Variants in CDC42BPB observed in about 807,000 individuals in gnomAD.
The protein encoded by CDC42BPB is CDC42 binding protein kinase beta.
CDC42BPB carries 37 observed loss-of-function variants against 214.9 expected under a neutral mutation model. The ratio of observed to expected loss-of-function variants is 0.17; its 90% CI spans 0.13 to 0.23. The LOEUF is 0.23. CDC42BPB is among the 10% of genes least tolerant of loss of function. The pLI is 1.00. For synonymous variants in CDC42BPB, 931 were observed against 884.0 expected (o/e 1.05, Z -0.94); for missense variants, 1,694 against 2,227.0 (o/e 0.76, Z 4.82).
At position 102,952,405 on chromosome 14, in the gene CDC42BPB, T is replaced by C. The variant is rs955866726; in HGVS notation, c.3172+93A>G. ...GACATTTCACTTTAGTTTGGTTTGC[T>C]TGCATCAGGGCTGCCCTGGAGCCGG... is the stretch of plus-strand genomic sequence containing the variant. On this transcript the variant is annotated intron_variant, in intron 24 of 36. Coordinates refer to ENST00000361246, the MANE Select transcript of CDC42BPB (RefSeq NM_006035.4). The C allele has an allele frequency of 2.2e-5, 16 of 740,410 alleles. No individual in the cohort carries two copies. The African/African-American group carries it at 2.5e-4, about 11-fold the overall frequency. 45.9% of individuals were successfully genotyped at this position (740,410 alleles called of 1,614,324 possible).
chr14:102,947,108 C>A (rs1336455884), intron 27 of CDC42BPB, among the ~76,000 whole-genome samples: 1 of 152,226 alleles, frequency 6.6e-6, no homozygotes, highest in Non-Finnish European at 1.5e-5. Flanking sequence ...GTTCCAGTAA[C>A]AATGATGGTA....
At chr14:102,966,241 A>G in intron 18 of CDC42BPB, 41 bp downstream of exon 18, 1 of 1,400,358 alleles carries the variant, frequency 7.1e-7, no homozygotes. Context: ...CCATTAGCGA[A>G]TTATTCAGTA....
chr14:102,959,970 GC>G (rs1166435263), intron 20 of CDC42BPB: 1 of 356,374 alleles, frequency 2.8e-6, no homozygotes, highest in African/African-American at 2.3e-5. Context: ...ACTTTGGGAG[GC>G]CGAGGTGGGC....
At chr14:102,999,237 C>A (rs34337051) in intron 5 of CDC42BPB, among the ~76,000 whole-genome samples, 56 of 128,900 alleles carry the variant, frequency 4.3e-4, no homozygotes, top group Non-Finnish European at 5.9e-4. Context: ...CAGAGGACCC[C>A]GGGGCCCACG....
intron 27 of CDC42BPB, among the ~76,000 whole-genome samples, chr14:102,947,408 C>T (rs1357002061): frequency 2.6e-5 from 4 of 152,206 alleles, no homozygotes; most frequent in East Asian, 1.9e-4. Context: ...CCACAGCGCC[C>T]GCCTGGCAGT....
intron 12 of CDC42BPB, among the ~76,000 whole-genome samples, 191 bp downstream of exon 12, chr14:102,973,825 G>A (rs1016051086): frequency 1.6e-4 from 25 of 152,210 alleles, no homozygotes; most frequent in Admixed American, 3.9e-4. Context: ...TCTGCCAGCC[G>A]ACGCGGGGGC....
chr14:103,019,542 C>T (rs1347565093), intron 1 of CDC42BPB, among the ~76,000 whole-genome samples: 1 of 152,340 alleles, frequency 6.6e-6, no homozygotes, highest in East Asian at 1.9e-4. Context: ...TGACAGGACT[C>T]CTTCAGCACA....
intron 21 of CDC42BPB, among the ~76,000 whole-genome samples, chr14:102,956,985 C>A (rs1437799713): frequency 1.4e-5 from 2 of 142,126 alleles, no homozygotes; most frequent in Non-Finnish European, 3.0e-5. Context: ...TCAAGACCAT[C>A]CTGGGCGACA....
In CDC42BPB at chr14:102,944,250, C is replaced by T; in HGVS notation, c.4049G>A (p.Arg1350Gln). The T allele has an allele frequency of 2.5e-6, 4 of 1,613,264 alleles. No individual in the cohort carries two copies. The highest frequency in any genetic ancestry group is 3.4e-6 in the Non-Finnish European group (4 of 1,180,036). The change falls in exon 30 of 37, where the codon CGG (arginine) becomes CAG (glutamine). Residue 1350 changes from arginine to glutamine, a missense_variant. By Grantham distance (43) the Arg-to-Gln change is conservative. Around this residue, in one of 7 missense-constraint regions of CDC42BPB, gnomAD observed 567 missense variants for 790.3 expected, o/e 0.72. Transcript: ENST00000361246. This position sits in a 1 kb window ranked among gnomAD's most constrained non-coding sequence, Gnocchi z 6.6. Reference sequence around the variant, plus strand: ...CTGGATCTCATAGCAAAGGATCAGCCGTTTCACGGCCACAAACAGGCAGGT... The same window carrying T: ...CTGGATCTCATAGCAAAGGATCAGCTGTTTCACGGCCACAAACAGGCAGGT... ...SGTCLFVAVKRLILCYEIQRT... is the reference protein window; with the variant it reads ...SGTCLFVAVKQLILCYEIQRT...
chr14:102,959,838 T>TAAAAAAAA (rs35833302), intron 20 of CDC42BPB, 128 bp from the exon 21 acceptor site: 5 of 718,860 alleles, frequency 7.0e-6, no homozygotes, highest in East Asian at 1.5e-4. Flanking sequence ...TGATCACAAT[T>TAAAAAAAA]AAAAAAAAAA....
At position 102,932,931 on chromosome 14, in the gene CDC42BPB, G is replaced by T. The variant is rs979955040; in HGVS notation, c.*781C>A. Reference sequence around the variant, plus strand: ...TGGGGTATCCCAGTGGCTGCTTCGTGGCGCCCTGGGGCTCTGACTTCCCTC... The same window carrying T: ...TGGGGTATCCCAGTGGCTGCTTCGTTGCGCCCTGGGGCTCTGACTTCCCTC... On this transcript the variant is annotated 3_prime_UTR_variant, in exon 37 of 37. Transcript: ENST00000361246. The T allele has an allele frequency of 6.6e-6, 1 of 151,116 alleles. No homozygotes were observed. Among genetic ancestry groups the T allele is most frequent in the Non-Finnish European group, 1.5e-5 (1 of 67,874 alleles). The allele number at this position is 151,116 out of a possible 1,614,324, so 9.4% of individuals were successfully genotyped here. A position where few individuals can be genotyped will look rare whatever the true frequency, so the allele number is the denominator to read the frequency against.
chr14:102,973,417 TA>T (rs1194441558), intron 12 of CDC42BPB, among the ~76,000 whole-genome samples: 4 of 152,226 alleles, frequency 2.6e-5, no homozygotes, highest in Non-Finnish European at 5.9e-5. Flanking sequence ...CACCTGAGCA[TA>T]AAAGTTTCCC....
intron 27 of CDC42BPB, 61 bp downstream of exon 27, chr14:102,947,660 T>C: frequency 7.1e-7 from 1 of 1,406,278 alleles, no homozygotes; most frequent in Non-Finnish European, 1.0e-6. Context: ...CACAATGACA[T>C]GCCTAGAACA....
chr14:102,948,065 C>A, intron 26 of CDC42BPB: 1 of 693,940 alleles, frequency 1.4e-6, no homozygotes, highest in Non-Finnish European at 1.8e-6. Flanking sequence ...CAGACTATGC[C>A]AGTTACAGAA....
chr14:103,025,506 TA>T (rs796461752), intron 1 of CDC42BPB, among the ~76,000 whole-genome samples: 302 of 131,338 alleles, frequency 2.3e-3, no homozygotes, highest in Middle Eastern at 7.4e-3. Context: ...TAGTACACAT[TA>T]AAAAAAAAAA....
In CDC42BPB at chr14:102,938,158, G is replaced by A. The variant is rs776569733; in HGVS notation, c.4950C>T (p.Ser1650=). The stretch of plus-strand genomic sequence containing the variant: ...ACATACTTCTCAGAGGCACAGTCAC[G>A]CTAGGCTCCGATCCACCTACAGAAC... ...SWPSSGGSEP[S]VTVPLRSMSD... is the part of the protein sequence containing the mutation. Residue 1650 remains serine (S), a synonymous_variant, in exon 36 of 37, where the codon AGC becomes AGT. Coordinates refer to ENST00000361246, the MANE Select transcript of CDC42BPB (RefSeq NM_006035.4). The A allele has an allele frequency of 2.5e-5, 41 of 1,613,642 alleles. No individual in the cohort carries two copies. The African/African-American group carries it at 3.2e-4, about 13-fold the overall frequency.
At chr14:103,023,649 T>C (rs1160870855) in intron 1 of CDC42BPB, among the ~76,000 whole-genome samples, 1 of 152,208 alleles carries the variant, frequency 6.6e-6, no homozygotes, top group Non-Finnish European at 1.5e-5. Flanking sequence ...TTTTACTCAC[T>C]GGTTTTTCTT....
intron 7 of CDC42BPB, 99 bp downstream of exon 7, chr14:102,983,457 T>C (rs1894097637): frequency 2.6e-6 from 4 of 1,530,180 alleles, no homozygotes; most frequent in Non-Finnish European, 3.5e-6. Flanking sequence ...CCTCAACTAC[T>C]CGCGTTGCTT....
intron 1 of CDC42BPB, among the ~76,000 whole-genome samples, chr14:103,034,099 G>C (rs915963524): frequency 3.3e-5 from 5 of 152,242 alleles, no homozygotes; most frequent in African/African-American, 1.2e-4. Context: ...CTTTCAAAAA[G>C]TCTAAGATGG....
Sources: gnomAD v4.1 joint callset for allele counts (sites outside exome capture counted in the v4.1 genomes callset) on GRCh38, gnomAD v4.1.1 for gene constraint, gnomAD v4.1.1 regional missense constraint, Gnocchi (gnomAD v3.1) non-coding constraint, MANE v1.5 for transcripts, NCBI Gene and HGNC (gene_info 2026-07-23, HGNC 2026-07-21) for gene names.